ZC3H4: variants seen among roughly 807,000 people sequenced by gnomAD.
ZC3H4 encodes the protein zinc finger CCCH-type containing 4.
A neutral mutation model predicts 108.3 loss-of-function variants in ZC3H4; 13 were observed. The observed-to-expected ratio is 0.12, with a 90% CI of 0.08 to 0.19. The LOEUF is 0.19. ZC3H4 is among the 10% of genes least tolerant of loss of function. ZC3H4 has a pLI of 1.00. For missense variants in ZC3H4, 1,734 were observed against 1,838.8 expected, an observed-to-expected ratio of 0.94 and a Z score of 1.04; for synonymous variants, 917 against 749.6, an observed-to-expected ratio of 1.22 and a Z score of -3.65.
At chr19:47,082,122 C>T (rs1354746288) in intron 10 of ZC3H4, 62 bp downstream of exon 10, 2 of 1,339,376 alleles carry the variant, frequency 1.5e-6, no homozygotes, top group Non-Finnish European at 2.2e-6. Flanking sequence ...GTTACTACCA[C>T]CATCAAGGAG....
intron 2 of ZC3H4, among the ~76,000 whole-genome samples, chr19:47,100,267 C>T (rs944663458): frequency 3.3e-5 from 5 of 152,122 alleles, no homozygotes; most frequent in African/African-American, 1.2e-4. Flanking sequence ...TTTTCAGAGC[C>T]AGGAAATTCT....
At chr19:47,079,944 T>A (rs1405001459) in intron 11 of ZC3H4, among the ~76,000 whole-genome samples, 2 of 152,078 alleles carry the variant, frequency 1.3e-5, no homozygotes, top group African/African-American at 4.8e-5. Context: ...GGGACTTGCC[T>A]TTTCCTACAG....
chr19:47,099,282 A>G (rs2057869735), intron 2 of ZC3H4, among the ~76,000 whole-genome samples: 1 of 152,060 alleles, frequency 6.6e-6, no homozygotes, highest in Admixed American at 6.6e-5. Flanking sequence ...CAACATGGAG[A>G]AACTCCATAT....
rs200987043 is a variant in ZC3H4, at chr19:47,067,613, C to T, written c.2655G>A (p.Ser885=). ...GAGCCAGCCGAGGATCGGAGGGTCC[C>T]GAATCACCTGGGCCAGACCCGCCAG... ...EASGGSGPGD[S]GPSDPRLARA... is the part of the protein sequence containing the mutation. The change falls in exon 15 of 15, where the codon TCG becomes TCA. Residue 885 remains serine, a synonymous_variant. Transcript: ENST00000253048. This position sits in a 1 kb window ranked among gnomAD's most constrained non-coding sequence, Gnocchi z 6.4. 1.5e-4 allele frequency: 248 copies of T among 1,605,716 alleles called. No individual in the cohort carries two copies. The African/African-American group carries it at 1.9e-3, about 12-fold the overall frequency.
chr19:47,111,865 A>G (rs2058043833), intron 2 of ZC3H4, among the ~76,000 whole-genome samples: 1 of 152,150 alleles, frequency 6.6e-6, no homozygotes, highest in Non-Finnish European at 1.5e-5. Context: ...CAAGTAGGAC[A>G]GGGTGTGCCT....
chr19:47,086,092 C>T (rs1304109713), intron 6 of ZC3H4, among the ~76,000 whole-genome samples: 1 of 152,198 alleles, frequency 6.6e-6, no homozygotes, highest in African/African-American at 2.4e-5. Flanking sequence ...TGGTCTCCAT[C>T]TCCTGACCTC....
At position 47,085,320 on chromosome 19, in the gene ZC3H4, C is replaced by A; in HGVS notation, c.965G>T (p.Arg322Leu). Residue 322 changes from arginine to leucine, a missense_variant and splice_region_variant, in exon 7 of 15, where the codon CGA becomes CTA. Physicochemically the swap from Arg to Leu is moderately radical, Grantham distance 102. This residue lies in a region of ZC3H4 where 403 missense variants were observed against 457.0 expected (regional missense o/e 0.88). Coordinates refer to ENST00000253048, the MANE Select transcript of ZC3H4 (RefSeq NM_015168.2). ...GTCCTCTCCAGGCCCCTGCCCACCT[C>A]GGCCTCGGCTGTCCTTGGAGCGGCG... ...QYRRSKDSRG[R>L]GLSRGRGRGS... The A allele has an allele frequency of 1.3e-6, 2 of 1,597,332 alleles. No homozygotes were observed. Among genetic ancestry groups the A allele is most frequent in the South Asian group, 1.1e-5 (1 of 88,660 alleles).
chr19:47,075,967 G>A (rs1325579103), intron 11 of ZC3H4, among the ~76,000 whole-genome samples: 1 of 152,180 alleles, frequency 6.6e-6, no homozygotes, highest in African/African-American at 2.4e-5. Flanking sequence ...CACCCCGCTA[G>A]GTGCCAAAAC....
chr19:47,112,208 C>T, intron 2 of ZC3H4: 1 of 1,203,486 alleles, frequency 8.3e-7, no homozygotes, highest in Non-Finnish European at 1.0e-6. Context: ...CGGGCGAGCG[C>T]CGCGAGGGGG....
intron 2 of ZC3H4, 101 bp from the exon 3 acceptor site, chr19:47,094,709 C>T: frequency 3.2e-6 from 4 of 1,241,282 alleles, no homozygotes; most frequent in Non-Finnish European, 4.6e-6. Context: ...GGCCTGACTG[C>T]TGTGAGCGAA....
intron 2 of ZC3H4, chr19:47,112,185 G>C (rs1243431710): frequency 1.7e-6 from 2 of 1,200,738 alleles, no homozygotes; most frequent in Non-Finnish European, 1.0e-6. Context: ...GACAGAGCGA[G>C]AGCGAGGGAG....
chr19:47,097,686 C>T (rs948626349), intron 2 of ZC3H4, among the ~76,000 whole-genome samples: 6 of 152,182 alleles, frequency 3.9e-5, no homozygotes, highest in African/African-American at 9.7e-5. Flanking sequence ...CGGCAAAATC[C>T]GTGTCAGAGT....
rs138151852 is a variant in ZC3H4, at chr19:47,090,172, G to C, written c.510C>G (p.Pro170=). The stretch of plus-strand genomic sequence containing the variant: ...TGGGCAGGGGCGTGGCATGCGATGG[G>C]GGGTACTGCTGGTGGGACTGCGTCC... ...PPYAPSHQQY[P]PSHATPLPKK... is the part of the protein sequence containing the mutation. Residue 170 remains proline (P), a synonymous_variant, in exon 5 of 15, where the codon CCC becomes CCG. Transcript: ENST00000253048. 1.8e-4 allele frequency: 296 copies of C among 1,614,208 alleles called. No individual in the cohort carries two copies. The highest frequency in any genetic ancestry group is 4.9e-4 in the Middle Eastern group (3 of 6,062).
intron 2 of ZC3H4, among the ~76,000 whole-genome samples, chr19:47,110,355 G>A (rs2058022190): frequency 6.6e-6 from 1 of 152,184 alleles, no homozygotes; most frequent in Admixed American, 6.5e-5. Flanking sequence ...GAAATGGAAA[G>A]AAGGATGCCA....
chr19:47,094,954 G>A (rs1178019007), intron 2 of ZC3H4, among the ~76,000 whole-genome samples: 1 of 152,188 alleles, frequency 6.6e-6, no homozygotes, highest in East Asian at 1.9e-4. Context: ...CCCATCTTGG[G>A]GATTCATAAT....
intron 9 of ZC3H4, among the ~76,000 whole-genome samples, chr19:47,082,821 C>A (rs772865474): frequency 6.6e-6 from 1 of 152,202 alleles, no homozygotes; most frequent in Non-Finnish European, 1.5e-5. Context: ...CAGCTCCAGA[C>A]TCCTGGTTCT....
chr19:47,074,953 G>A (rs2057393769), intron 11 of ZC3H4, among the ~76,000 whole-genome samples: 1 of 152,174 alleles, frequency 6.6e-6, no homozygotes, highest in African/African-American at 2.4e-5. Flanking sequence ...GTCATCTTGG[G>A]GACCCCAGCA....
At chr19:47,084,515 G>A (rs2303107) in intron 8 of ZC3H4, 60 bp from the exon 9 acceptor site, 1,001,265 of 1,554,740 alleles carry the variant, frequency 0.64, 338,852 homozygotes, top group Non-Finnish European at 0.71. Flanking sequence ...AGATGGGATC[G>A]GGGTTAATAA....
chr19:47,087,593 A>G (rs999102309), intron 5 of ZC3H4, among the ~76,000 whole-genome samples: 6 of 151,884 alleles, frequency 4.0e-5, no homozygotes, highest in African/African-American at 1.5e-4. Flanking sequence ...AATACAAAAA[A>G]TTAGGCCAGG....
Sources: allele counts gnomAD v4.1 joint callset (sites outside exome capture counted in the v4.1 genomes callset), GRCh38; gene constraint gnomAD v4.1.1; regional missense constraint gnomAD v4.1.1; non-coding constraint Gnocchi (gnomAD v3.1); transcripts MANE v1.5; gene names NCBI Gene and HGNC (gene_info 2026-07-23, HGNC 2026-07-21).